LYPLAL1: variants seen among roughly 807,000 people sequenced by gnomAD.
LYPLAL1 encodes the protein lysophospholipase like 1.
LYPLAL1 carries 23 observed loss-of-function variants against 19.7 expected under a neutral mutation model. That is an observed-to-expected ratio of 1.17 (90% CI 0.84 to 1.65). LYPLAL1 has a LOEUF of 1.65. Among genes scored for constraint, LYPLAL1 ranks in the 40% most tolerant of loss-of-function variants. LYPLAL1 has a pLI of 0.00. For missense variants in LYPLAL1, 355 were observed against 279.4 expected, an observed-to-expected ratio of 1.27 and a Z score of -1.93; for synonymous variants, 119 against 96.3, an observed-to-expected ratio of 1.24 and a Z score of -1.38.
intron 1 of LYPLAL1, 132 bp from the exon 2 acceptor site, chr1:219,179,015 G>T (rs1028082373): frequency 1.9e-6 from 1 of 537,000 alleles, no homozygotes; most frequent in African/African-American, 2.0e-5. Context: ...GTTTCTATAT[G>T]GTTATTATGA....
chr1:219,319,754 A>G, the LYPLAL1 span, among the ~76,000 whole-genome samples: 1 of 152,194 alleles, frequency 6.6e-6, no homozygotes, highest in Non-Finnish European at 1.5e-5. Flanking sequence ...CCCCTTCTAC[A>G]TGTGTTTGAA....
intron 2 of LYPLAL1, 75 bp downstream of exon 2, chr1:219,179,321 G>T (rs1366798407): frequency 6.6e-6 from 7 of 1,055,318 alleles, no homozygotes; most frequent in African/African-American, 1.7e-5. Flanking sequence ...TGCCAGCTAG[G>T]TGTTCTTTAA....
chr1:219,187,395 A>G (rs1656814849), intron 2 of LYPLAL1, among the ~76,000 whole-genome samples: 1 of 151,514 alleles, frequency 6.6e-6, no homozygotes, highest in African/African-American at 2.4e-5. Context: ...GATGGAAAAT[A>G]CTGCTTTTTT....
chr1:219,252,643 G>C, the LYPLAL1 span, among the ~76,000 whole-genome samples: 2 of 151,998 alleles, frequency 1.3e-5, no homozygotes, highest in Non-Finnish European at 2.9e-5. Flanking sequence ...CCTACCTGAT[G>C]ATGGTGGATT....
the LYPLAL1 span, among the ~76,000 whole-genome samples, chr1:219,257,406 GC>G: frequency 7.4e-3 from 1,043 of 140,472 alleles, 4 homozygotes; most frequent in South Asian, 0.022. Context: ...GGGGGAACCA[GC>G]CCCCAGTGTT....
At chr1:219,311,068 C>A in the LYPLAL1 span, among the ~76,000 whole-genome samples, 1 of 151,982 alleles carries the variant, frequency 6.6e-6, no homozygotes, top group African/African-American at 2.4e-5. Flanking sequence ...ACATTACCCA[C>A]CCTGTAGTCT....
downstream of LYPLAL1, among the ~76,000 whole-genome samples, chr1:219,213,697 A>G (rs1038002195): frequency 6.6e-6 from 1 of 151,982 alleles, no homozygotes; most frequent in African/African-American, 2.4e-5. Flanking sequence ...TACTATTTTC[A>G]GTTTCCAAGT....
chr1:219,175,461 T>A (rs540933999), intron 1 of LYPLAL1, among the ~76,000 whole-genome samples: 36 of 152,322 alleles, frequency 2.4e-4, no homozygotes, highest in African/African-American at 8.4e-4. Context: ...CATAATCAAT[T>A]CTCATTATCT....
chr1:219,192,260 T>G (rs1657242652), intron 2 of LYPLAL1, among the ~76,000 whole-genome samples: 1 of 151,750 alleles, frequency 6.6e-6, no homozygotes, highest in African/African-American at 2.4e-5. Context: ...TTTTTCAATT[T>G]AGCTGCACAT....
the LYPLAL1 span, among the ~76,000 whole-genome samples, chr1:219,244,733 G>A: frequency 2.0e-5 from 3 of 151,958 alleles, no homozygotes; most frequent in Non-Finnish European, 4.4e-5. Flanking sequence ...ATCACCTGAG[G>A]TCAGGAGTCG....
chr1:219,213,228 A>C (rs997546839), downstream of LYPLAL1, among the ~76,000 whole-genome samples: 4 of 151,998 alleles, frequency 2.6e-5, no homozygotes, highest in Non-Finnish European at 5.9e-5. Context: ...ATTCAGCTAG[A>C]TCTTGCCTTT....
the LYPLAL1 span, among the ~76,000 whole-genome samples, chr1:219,260,690 A>G: frequency 6.0e-5 from 9 of 149,750 alleles, no homozygotes; most frequent in African/African-American, 2.2e-4. Context: ...ACACACATAT[A>G]TACATATATA....
chr1:219,332,031 G>C, the LYPLAL1 span, among the ~76,000 whole-genome samples: 1 of 152,160 alleles, frequency 6.6e-6, no homozygotes, highest in Non-Finnish European at 1.5e-5. Flanking sequence ...GGAAAAGGAA[G>C]AATTTTACAG....
the LYPLAL1 span, among the ~76,000 whole-genome samples, chr1:219,232,275 C>T: frequency 6.6e-6 from 1 of 152,146 alleles, no homozygotes; most frequent in Non-Finnish European, 1.5e-5. Flanking sequence ...CAGATAGACT[C>T]AGTGCAGTTC....
At chr1:219,233,783 G>C in the LYPLAL1 span, among the ~76,000 whole-genome samples, 2 of 137,674 alleles carry the variant, frequency 1.5e-5, no homozygotes, top group South Asian at 4.8e-4. Flanking sequence ...AAAAAAAAAA[G>C]ATGATAAATT....
chr1:219,400,780 A>G, the LYPLAL1 span, among the ~76,000 whole-genome samples: 8 of 152,300 alleles, frequency 5.3e-5, no homozygotes, highest in South Asian at 1.5e-3. Flanking sequence ...GATTATAGGC[A>G]TGAGCCACTG....
At chr1:219,236,697 A>T in the LYPLAL1 span, among the ~76,000 whole-genome samples, 1 of 152,172 alleles carries the variant, frequency 6.6e-6, no homozygotes, top group Non-Finnish European at 1.5e-5. Flanking sequence ...AGTCTACTTG[A>T]ACTTTTTATG....
the LYPLAL1 span, among the ~76,000 whole-genome samples, chr1:219,359,247 T>G: frequency 1.3e-5 from 2 of 152,202 alleles, no homozygotes; most frequent in Non-Finnish European, 2.9e-5. Flanking sequence ...TTTAAAGCAT[T>G]GTGCTTACCT....
the LYPLAL1 span, among the ~76,000 whole-genome samples, chr1:219,320,446 A>T: frequency 1.3e-5 from 2 of 151,992 alleles, no homozygotes; most frequent in Non-Finnish European, 1.5e-5. Context: ...ATTTAATTTA[A>T]TTTTATTATT....
Sources: allele counts gnomAD v4.1 joint callset (sites outside exome capture counted in the v4.1 genomes callset), GRCh38; gene constraint gnomAD v4.1.1; transcripts MANE v1.5; gene names NCBI Gene and HGNC (gene_info 2026-07-23, HGNC 2026-07-21).